CXorf58: variants seen among roughly 807,000 people sequenced by gnomAD.
The protein encoded by CXorf58 is uncharacterized protein CXorf58.
A neutral mutation model predicts 26.0 loss-of-function variants in CXorf58; 24 were observed. The ratio of observed to expected loss-of-function variants is 0.92; its 90% CI spans 0.67 to 1.30. The LOEUF is 1.30. CXorf58 is among the 50% of genes most tolerant of loss of function. The pLI, the probability that CXorf58 is intolerant of heterozygous loss-of-function variation, is 0.00. For synonymous variants in CXorf58, 87 were observed against 86.1 expected (o/e 1.01, Z -0.06); for missense variants, 236 against 263.9 (o/e 0.89, Z 0.73).
At chrX:23,935,539 G>T (rs1928278265) in intron 7 of CXorf58, 114 bp downstream of exon 7, 2 of 536,330 alleles carry the variant, frequency 3.7e-6, no homozygotes, top group South Asian at 6.5e-5. Context: ...TAGGGTTGGG[G>T]CAGATTGCTC....
chrX:23,911,222 T>A (rs1002090229), intron 2 of CXorf58, among the ~76,000 whole-genome samples: 1 of 110,985 alleles, frequency 9.0e-6, no homozygotes, highest in African/African-American at 3.3e-5. Flanking sequence ...AGTGCTGGGA[T>A]ATGATCAAAA....
intron 3 of CXorf58, among the ~76,000 whole-genome samples, chrX:23,914,581 G>A (rs1410930931): frequency 9.0e-6 from 1 of 111,680 alleles, no homozygotes; most frequent in Non-Finnish European, 1.9e-5. Flanking sequence ...CTGTAAAATA[G>A]GCGTGATAAT....
rs746914698 is a variant in CXorf58 at position 23,916,310 on chromosome X, A to G, written c.405A>G (p.Val135=). The G allele has an allele frequency of 5.1e-6, 6 of 1,178,491 alleles. No homozygotes were observed. In the Admixed American group the frequency reaches 1.3e-4, roughly 26 times the overall value. Residue 135 remains valine, a synonymous_variant, in exon 5 of 9, where the codon GTA becomes GTG. Transcript: ENST00000379211. ...HGYKYFSGKN[V]LMPSSKAVDD... is the part of the protein sequence containing the mutation. ...ACAAGTATTTTAGTGGAAAAAATGT[A>G]TTAATGCCGTCAAGTAAGGTGACGT...
chrX:23,908,399 ATTATC>A (rs898715756), intron 1 of CXorf58, 70 bp downstream of exon 1: 8 of 112,583 alleles, frequency 7.1e-5, no homozygotes, highest in African/African-American at 2.6e-4. Context: ...AATGGCAATA[ATTATC>A]TTATTAACAA....
chrX:23,927,018 CAA>C (rs982150036), intron 5 of CXorf58, among the ~76,000 whole-genome samples: 2 of 99,286 alleles, frequency 2.0e-5, no homozygotes, highest in East Asian at 6.1e-4. Context: ...GACTCCGTTT[CAA>C]AAAAAAAAAC....
In CXorf58 at chrX:23,910,334, G is replaced by T. The variant is rs754032781; in HGVS notation, c.32G>T (p.Gly11Val). Reference protein sequence around the residue: MNRSSNVPRKGILKSGTRSLQ... With the variant: MNRSSNVPRKVILKSGTRSLQ... ...CGTTCCTCAAATGTACCACGTAAAG[G>T]TATTCTGAAATCAGGTACAAGATCC... The change falls in exon 2 of 9, where the codon GGT becomes GTT. Residue 11 changes from glycine to valine, a missense_variant. Physicochemically the swap from Gly to Val is moderately radical, Grantham distance 109. Transcript: ENST00000379211. The T allele has an allele frequency of 8.4e-7, 1 of 1,193,139 alleles. No individual in the cohort carries two copies. Among genetic ancestry groups the T allele is most frequent in the Non-Finnish European group, 1.1e-6 (1 of 881,776 alleles).
intron 3 of CXorf58, among the ~76,000 whole-genome samples, chrX:23,915,124 ACT>A (rs1387111590): frequency 8.9e-6 from 1 of 112,582 alleles, no homozygotes; most frequent in Admixed American, 9.4e-5. Context: ...ACGGAGCGAG[ACT>A]CTGTCTCAAA....
At chrX:23,913,614 C>A (rs746325612) in intron 3 of CXorf58, among the ~76,000 whole-genome samples, 9 of 112,069 alleles carry the variant, frequency 8.0e-5, no homozygotes, top group Admixed American at 1.9e-4. Flanking sequence ...CAGAATACGG[C>A]TGGGCACAGT....
chrX:23,935,392 A>G lies in CXorf58; in HGVS notation c.752A>G (p.His251Arg), dbSNP rs1928274113. 7 of 1,204,643 alleles carry G rather than the reference A, an allele frequency of 5.8e-6. No individual in the cohort carries two copies. The highest frequency in any genetic ancestry group is 6.7e-6 in the Non-Finnish European group (6 of 890,291). The change falls in exon 7 of 9, where the codon CAT (histidine) becomes CGT (arginine). Residue 251 changes from histidine to arginine, a missense_variant. By Grantham distance (29) the His-to-Arg change is conservative. Coordinates refer to ENST00000379211, the MANE Select transcript of CXorf58 (RefSeq NM_152761.3). ...LLQRPVTQEI[H>R]KHQLRIVSEI... ...CAGAGACCAGTAACGCAAGAGATCC[A>G]TAAGCACCAGCTACGGATTGTTTCT...
Position 23,935,223 on chromosome X carries a change from G to A in CXorf58, c.583G>A (p.Ala195Thr), listed in dbSNP as rs1453901753. The A allele has an allele frequency of 8.3e-7, 1 of 1,208,543 alleles. No homozygotes were observed. Among genetic ancestry groups the A allele is most frequent in the Non-Finnish European group, 1.1e-6 (1 of 894,367 alleles). Residue 195 changes from alanine to threonine, a missense_variant, in exon 7 of 9, where the codon GCA becomes ACA. Transcript: ENST00000379211. ...TCGCAGTTTTTTCGATGAGGCCCCT[G>A]CATTTTCTGGCGGCAGAAATAACAG... The part of the protein sequence containing the change: ...QYRSFFDEAP[A>T]FSGGRNNSWR...
chrX:23,934,854 T>TTTTTC (rs890125467), intron 6 of CXorf58, among the ~76,000 whole-genome samples: 1 of 107,983 alleles, frequency 9.3e-6, no homozygotes, highest in African/African-American at 3.4e-5. Context: ...TTTTTTTCTC[T>TTTTTC]TTTTCTTTTC....
intron 6 of CXorf58, among the ~76,000 whole-genome samples, chrX:23,934,409 T>G (rs959994741): frequency 2.8e-5 from 3 of 107,744 alleles, no homozygotes; most frequent in African/African-American, 1.0e-4. Context: ...AACCAATCAA[T>G]TTTTTTTTTG....
intron 5 of CXorf58, chrX:23,916,588 T>G (rs5925638): frequency 0.18 from 38,928 of 214,852 alleles, 3,900 homozygotes; most frequent in East Asian, 0.52. Context: ...TTAAAATTTT[T>G]ATTTGTTAAT....
chrX:23,925,346 CTTTTT>C (rs759663219), intron 5 of CXorf58, among the ~76,000 whole-genome samples: 2 of 91,953 alleles, frequency 2.2e-5, no homozygotes, highest in Non-Finnish European at 2.2e-5. Context: ...TTTCTTTTCT[CTTTTT>C]TTTTTTTTTT....
intron 5 of CXorf58, among the ~76,000 whole-genome samples, chrX:23,917,348 AAAAG>A (rs1345302583): frequency 2.3e-4 from 22 of 95,113 alleles, no homozygotes; most frequent in African/African-American, 7.2e-4. Context: ...AAAAAAAAAA[AAAAG>A]AAAGAAAGAA....
intron 7 of CXorf58, among the ~76,000 whole-genome samples, chrX:23,936,802 G>T (rs1451437391): frequency 9.0e-6 from 1 of 111,689 alleles, no homozygotes; most frequent in Non-Finnish European, 1.9e-5. Flanking sequence ...ACATTTGCCA[G>T]ACAGATGGCC....
At chrX:23,909,747 G>C (rs1223968447) in intron 1 of CXorf58, among the ~76,000 whole-genome samples, 3 of 112,012 alleles carry the variant, frequency 2.7e-5, no homozygotes, top group Non-Finnish European at 5.6e-5. Context: ...AAAGTTGGAG[G>C]TGGAATCAGA....
chrX:23,916,136 G>A (rs1008447833), intron 4 of CXorf58, 81 bp from the exon 5 acceptor site: 17 of 537,168 alleles, frequency 3.2e-5, no homozygotes, highest in Non-Finnish European at 6.1e-6. Flanking sequence ...GAAACTATAT[G>A]AACTATCTTA....
chrX:23,911,801 T>C lies in CXorf58; in HGVS notation c.161T>C (p.Leu54Ser). The part of the protein sequence containing the change: ...ISAQIIQRAW[L>S]SHTNKMIFRL... Reference sequence around the variant, plus strand: ...GCTCAAATAATACAGAGGGCTTGGTTATCTCATACAAACAAAATGATATTT... The same window carrying C: ...GCTCAAATAATACAGAGGGCTTGGTCATCTCATACAAACAAAATGATATTT... Residue 54 changes from leucine (L) to serine (S), a missense_variant, in exon 3 of 9, where the codon TTA becomes TCA. Transcript: ENST00000379211. 5 of 1,204,306 alleles carry C rather than the reference T, an allele frequency of 4.2e-6. No homozygotes were observed. Among genetic ancestry groups the C allele is most frequent in the Non-Finnish European group, 5.6e-6 (5 of 890,362 alleles).
Sources: gnomAD v4.1 joint callset for allele counts (sites outside exome capture counted in the v4.1 genomes callset) on GRCh38, gnomAD v4.1.1 for gene constraint, MANE v1.5 for transcripts, NCBI Gene and HGNC (gene_info 2026-07-23, HGNC 2026-07-21) for gene names.